Variants in SLIT3 observed in about 807,000 individuals in gnomAD.
SLIT3 encodes slit homolog 3 protein.
SLIT3 carries 68 observed loss-of-function variants against 184.0 expected under a neutral mutation model. That is an observed-to-expected ratio of 0.37 (90% CI 0.30 to 0.45). The LOEUF (loss-of-function observed/expected upper bound fraction) is 0.45, where lower values mean the gene tolerates loss of function less well. SLIT3 is among the 20% of genes least tolerant of loss of function. SLIT3 has a pLI of 1.00. For missense variants in SLIT3, 1,707 were observed against 2,026.0 expected, an observed-to-expected ratio of 0.84 and a Z score of 3.02; for synonymous variants, 831 against 828.6, an observed-to-expected ratio of 1.00 and a Z score of -0.05.
intron 4 of SLIT3, among the ~76,000 whole-genome samples, chr5:169,074,243 C>T (rs1408196379): frequency 6.6e-6 from 1 of 152,132 alleles, no homozygotes; most frequent in Admixed American, 6.6e-5. Flanking sequence ...GGTATTGTTG[C>T]TAGCTGGGTG....
At chr5:168,764,790 G>C (rs796849758) in intron 14 of SLIT3, among the ~76,000 whole-genome samples, 1 of 152,098 alleles carries the variant, frequency 6.6e-6, no homozygotes, top group Non-Finnish European at 1.5e-5. Flanking sequence ...CTCCGTGCAC[G>C]TATCCCCACA....
rs565141680 is a variant in SLIT3, at chr5:168,912,715, C to G, written c.414-29379G>C. ...CTATGTCTCTATGATGTATTTTATG[C>G]ATTTTATGAAGAAACTAGGGTTTGC... On this transcript the variant is annotated intron_variant, in intron 4 of 35. Transcript: ENST00000519560. 7.2e-5 allele frequency among the ~76,000 whole-genome samples: 11 copies of G among 152,300 alleles called. No homozygotes were observed. The South Asian group carries it at 2.3e-3, about 32-fold the overall frequency.
intron 4 of SLIT3, among the ~76,000 whole-genome samples, chr5:169,096,918 C>T (rs915998447): frequency 6.6e-6 from 1 of 152,168 alleles, no homozygotes; most frequent in Non-Finnish European, 1.5e-5. Flanking sequence ...ATTACAATGT[C>T]GTCCTACTGT....
At chr5:169,139,347 T>C (rs1419538666) in intron 4 of SLIT3, among the ~76,000 whole-genome samples, 2 of 152,230 alleles carry the variant, frequency 1.3e-5, no homozygotes, top group Non-Finnish European at 2.9e-5. Flanking sequence ...ATGGAATATT[T>C]ATTGAGAATT....
At chr5:168,945,700 A>G (rs978711198) in intron 4 of SLIT3, among the ~76,000 whole-genome samples, 1 of 152,240 alleles carries the variant, frequency 6.6e-6, no homozygotes, top group Non-Finnish European at 1.5e-5. Flanking sequence ...GAGAGAAAAC[A>G]ATCCCGACTG....
At position 168,684,085 on chromosome 5, in the gene SLIT3, G is replaced by C. The variant is rs1406573761; in HGVS notation, c.3567C>G (p.Asp1189Glu). The change falls in exon 32 of 36, where the codon GAC (aspartate) becomes GAG (glutamate). Residue 1189 changes from aspartate (D) to glutamate (E), a missense_variant. Asp to Glu is a conservative substitution (Grantham distance 45). Transcript: ENST00000519560. ...TGTAGAGAAGGATGCCGTTGTCCTTGTCAGTGGCCACCTGGAGAAAGCAGC... is the reference window on the plus strand; with the variant it reads ...TGTAGAGAAGGATGCCGTTGTCCTTCTCAGTGGCCACCTGGAGAAAGCAGC... ...QANISLQVAT[D>E]KDNGILLYKG... is the part of the protein sequence containing the mutation. The C allele has an allele frequency of 1.3e-6, 2 of 1,598,670 alleles. No individual in the cohort carries two copies. The highest frequency in any genetic ancestry group is 1.3e-5 in the African/African-American group (1 of 74,266).
At chr5:168,737,752 T>G (rs949290837) in intron 20 of SLIT3, among the ~76,000 whole-genome samples, 2 of 152,354 alleles carry the variant, frequency 1.3e-5, no homozygotes, top group East Asian at 3.9e-4. Context: ...TATGAAGATG[T>G]AGGCTTTGCA....
chr5:168,882,303 G>A (rs1034593993), intron 5 of SLIT3, among the ~76,000 whole-genome samples: 8 of 152,142 alleles, frequency 5.3e-5, no homozygotes, highest in Non-Finnish European at 1.2e-4. Flanking sequence ...TTCCGACCCC[G>A]TGGGCACAAA....
intron 20 of SLIT3, among the ~76,000 whole-genome samples, chr5:168,735,700 ACACACAT>A (rs1561901088): frequency 6.8e-6 from 1 of 148,040 alleles, no homozygotes; most frequent in African/African-American, 2.6e-5. Flanking sequence ...ACACACACAC[ACACACAT>A]CTCCATCCAA....
At chr5:168,875,895 C>A (rs1040518697) in intron 5 of SLIT3, among the ~76,000 whole-genome samples, 5 of 152,102 alleles carry the variant, frequency 3.3e-5, no homozygotes, top group Non-Finnish European at 5.9e-5. Flanking sequence ...CCCAGTGCAA[C>A]TTCCTCTAGC....
intron 4 of SLIT3, among the ~76,000 whole-genome samples, chr5:168,959,572 A>C (rs1406838953): frequency 6.6e-6 from 1 of 152,206 alleles, no homozygotes; most frequent in African/African-American, 2.4e-5. Flanking sequence ...CACCTGTCAC[A>C]GGCCCCGCCT....
chr5:169,062,757 C>T (rs991405299), intron 4 of SLIT3, among the ~76,000 whole-genome samples: 1 of 150,678 alleles, frequency 6.6e-6, no homozygotes, highest in Admixed American at 6.6e-5. Context: ...ACCCATGAGT[C>T]CCCCTGGCTC....
intron 4 of SLIT3, among the ~76,000 whole-genome samples, 153 bp downstream of exon 4, chr5:169,193,326 G>A (rs550036698): frequency 1.3e-5 from 2 of 152,224 alleles, no homozygotes; most frequent in East Asian, 3.9e-4. Context: ...GTGTTTGTTG[G>A]GGGTAGACGT....
At chr5:169,200,945 G>C (rs1469542832) in intron 3 of SLIT3, among the ~76,000 whole-genome samples, 1 of 152,224 alleles carries the variant, frequency 6.6e-6, no homozygotes, top group Non-Finnish European at 1.5e-5. Flanking sequence ...AAGTCTAATG[G>C]CTTACAGACT....
intron 4 of SLIT3, 78 bp from the exon 5 acceptor site, chr5:168,883,414 C>A (rs537325845): frequency 2.7e-6 from 3 of 1,110,120 alleles, no homozygotes; most frequent in Admixed American, 1.8e-5. Flanking sequence ...TGATAACAAT[C>A]CCCCCCACCC....
chr5:169,130,560 G>A (rs1042535130), intron 4 of SLIT3, among the ~76,000 whole-genome samples: 7 of 152,182 alleles, frequency 4.6e-5, no homozygotes, highest in East Asian at 1.9e-4. Flanking sequence ...CATCAGGGTC[G>A]TGAGGTTGTT....
At chr5:169,129,881 C>A (rs1761233797) in intron 4 of SLIT3, among the ~76,000 whole-genome samples, 1 of 152,056 alleles carries the variant, frequency 6.6e-6, no homozygotes, top group Non-Finnish European at 1.5e-5. Flanking sequence ...TGAAGTCTTG[C>A]TCTGTCACAC....
At chr5:168,924,661 C>T (rs543028326) in intron 4 of SLIT3, among the ~76,000 whole-genome samples, 1 of 152,220 alleles carries the variant, frequency 6.6e-6, no homozygotes, top group Admixed American at 6.5e-5. Context: ...AGATACATGC[C>T]ACCACACCCT....
chr5:168,701,650 C>T (rs1028383147), intron 26 of SLIT3, among the ~76,000 whole-genome samples: 6 of 152,334 alleles, frequency 3.9e-5, no homozygotes, highest in Middle Eastern at 3.4e-3. Context: ...CTGGCTCCTG[C>T]TTCTCCTTTG....
Sources: allele counts gnomAD v4.1 joint callset (sites outside exome capture counted in the v4.1 genomes callset), GRCh38; gene constraint gnomAD v4.1.1; transcripts MANE v1.5; gene names NCBI Gene and HGNC (gene_info 2026-07-23, HGNC 2026-07-21).